The following DNER variants were observed in gnomAD, a reference collection of about 807,000 sequenced individuals.
The protein encoded by DNER is delta/notch like EGF repeat containing, also known as delta and Notch-like epidermal growth factor-related receptor.
A neutral mutation model predicts 78.2 loss-of-function variants in DNER; 33 were observed. The observed-to-expected ratio is 0.42, with a 90% CI of 0.32 to 0.56. The LOEUF (loss-of-function observed/expected upper bound fraction) is 0.56. Ranked by LOEUF, DNER falls within the 20% of genes least tolerant of loss-of-function variation. The probability of loss-of-function intolerance (pLI) is 0.11; values close to 1 mark genes in which losing one functional copy is unlikely to be tolerated. For missense variants in DNER, 918 were observed against 975.3 expected (o/e 0.94, Z 0.78); for synonymous variants, 417 against 384.8 (o/e 1.08, Z -0.98).
intron 4 of DNER, among the ~76,000 whole-genome samples, chr2:229,570,810 C>T (rs911998509): frequency 6.6e-6 from 1 of 151,770 alleles, no homozygotes; most frequent in Non-Finnish European, 1.5e-5. Flanking sequence ...CAGATGAGGG[C>T]GTGGCCAGTG....
chr2:229,654,962 G>T (rs1420859938), intron 1 of DNER, among the ~76,000 whole-genome samples: 2 of 152,096 alleles, frequency 1.3e-5, no homozygotes. Context: ...AGAAATACCA[G>T]AAGCATCATT....
chr2:229,531,847 T>A (rs1164057513), intron 5 of DNER, among the ~76,000 whole-genome samples: 2 of 152,218 alleles, frequency 1.3e-5, no homozygotes, highest in African/African-American at 4.8e-5. Context: ...TACTCATACA[T>A]GCTACAATAT....
intron 7 of DNER, among the ~76,000 whole-genome samples, chr2:229,459,452 G>A (rs1043097612): frequency 1.3e-5 from 2 of 152,062 alleles, no homozygotes; most frequent in Non-Finnish European, 2.9e-5. Flanking sequence ...ATTTTATTGA[G>A]TTCTTACTAC....
At chr2:229,617,306 G>A (rs965250885) in intron 1 of DNER, among the ~76,000 whole-genome samples, 61 of 152,116 alleles carry the variant, frequency 4.0e-4, no homozygotes, top group African/African-American at 1.4e-3. Context: ...TAATTGTGTG[G>A]AGCTATTTTA....
intron 5 of DNER, among the ~76,000 whole-genome samples, chr2:229,530,804 A>G (rs2154212810): frequency 6.6e-6 from 1 of 152,354 alleles, no homozygotes; most frequent in East Asian, 1.9e-4. Context: ...TTAGCCTTCA[A>G]ATGCTCATTA....
intron 1 of DNER, among the ~76,000 whole-genome samples, chr2:229,634,831 C>T (rs1316388009): frequency 2.0e-5 from 3 of 152,132 alleles, no homozygotes; most frequent in Non-Finnish European, 2.9e-5. Flanking sequence ...TCACAGCACC[C>T]GGCCACTTGT....
In DNER at chr2:229,714,034, G is replaced by A. The variant is rs1039024472; in HGVS notation, c.276+114C>T. On this transcript the variant is annotated intron_variant, in intron 1 of 12. Transcript: ENST00000341772. ...AGACTGGATCCATCTTCTTCCCAAA[G>A]TGGGAAAGCCTGTGTCAGGCGTGCC... 8.5e-6 allele frequency: 9 copies of A among 1,059,920 alleles called. No individual in the cohort carries two copies. The African/African-American group carries it at 1.5e-4, about 18-fold the overall frequency. The allele number at this position is 1,059,920 out of a possible 1,614,324, so 65.7% of individuals were successfully genotyped here. A position where few individuals can be genotyped will look rare whatever the true frequency, so the allele number is the denominator to read the frequency against.
At chr2:229,586,149 G>T in intron 3 of DNER, 125 bp from the exon 4 acceptor site, 1 of 1,179,688 alleles carries the variant, frequency 8.5e-7, no homozygotes, top group Non-Finnish European at 1.2e-6. Flanking sequence ...GGAGATCGAT[G>T]GCATAAACAG....
intron 11 of DNER, among the ~76,000 whole-genome samples, chr2:229,377,968 C>T (rs1186637455): frequency 6.6e-6 from 1 of 152,176 alleles, no homozygotes; most frequent in Admixed American, 6.5e-5. Flanking sequence ...ATTATCTGGA[C>T]AAGCTCAATG....
At chr2:229,609,814 A>T (rs1698010828) in intron 1 of DNER, among the ~76,000 whole-genome samples, 1 of 152,228 alleles carries the variant, frequency 6.6e-6, no homozygotes, top group South Asian at 2.1e-4. Context: ...TATAGCTTCA[A>T]TAAAAATGGC....
chr2:229,504,516 G>A (rs2396668), intron 6 of DNER, among the ~76,000 whole-genome samples: 21,330 of 152,150 alleles, frequency 0.14, 1,747 homozygotes, highest in South Asian at 0.22. Flanking sequence ...CACCATGCCC[G>A]GCCCTGTAAT....
chr2:229,514,681 C>T lies in DNER; in HGVS notation c.994-1745G>A, dbSNP rs1226159987. 2.6e-5 allele frequency among the ~76,000 whole-genome samples: 4 copies of T among 152,134 alleles called. No homozygotes were observed. The South Asian group carries it at 6.2e-4, about 24-fold the overall frequency. On this transcript the variant is annotated intron_variant, in intron 5 of 12. Coordinates refer to ENST00000341772, the MANE Select transcript of DNER (RefSeq NM_139072.4). ...CTTCTAGTGCCTTCCATTTCACTCT[C>T]CCTCCACCCTCTTTCCCCAACAGAT... is the stretch of plus-strand genomic sequence containing the variant.
chr2:229,601,185 T>A (rs894749539), intron 1 of DNER, among the ~76,000 whole-genome samples: 1 of 152,210 alleles, frequency 6.6e-6, no homozygotes, highest in Non-Finnish European at 1.5e-5. Context: ...TGGTTGTAAA[T>A]GTCATCTTCC....
At chr2:229,603,352 T>A (rs1697868462) in intron 1 of DNER, among the ~76,000 whole-genome samples, 1 of 152,176 alleles carries the variant, frequency 6.6e-6, no homozygotes, top group Admixed American at 6.5e-5. Context: ...ACATGGCACA[T>A]GTATGCATAT....
At chr2:229,398,621 T>C (rs73100218) in intron 10 of DNER, among the ~76,000 whole-genome samples, 5,109 of 152,168 alleles carry the variant, frequency 0.034, 135 homozygotes, top group African/African-American at 0.073. Context: ...AACACAAAAT[T>C]GTTTTCTTTC....
intron 1 of DNER, among the ~76,000 whole-genome samples, chr2:229,600,396 A>G (rs962041978): frequency 1.3e-5 from 2 of 152,182 alleles, no homozygotes; most frequent in African/African-American, 4.8e-5. Context: ...TTCACAAAAG[A>G]GGGAAAACAG....
At chr2:229,625,258 C>A (rs998115095) in intron 1 of DNER, among the ~76,000 whole-genome samples, 3 of 152,080 alleles carry the variant, frequency 2.0e-5, no homozygotes, top group Non-Finnish European at 4.4e-5. Context: ...GGAAAATCAC[C>A]GGGGGCTGGG....
intron 4 of DNER, among the ~76,000 whole-genome samples, chr2:229,572,553 CAG>C (rs1168905929): frequency 6.6e-6 from 1 of 152,120 alleles, no homozygotes; most frequent in Non-Finnish European, 1.5e-5. Context: ...TAAAAACAAA[CAG>C]AGAGGCTACA....
At chr2:229,669,814 A>AAGAAG (rs1383076841) in intron 1 of DNER, among the ~76,000 whole-genome samples, 2 of 152,242 alleles carry the variant, frequency 1.3e-5, no homozygotes, top group African/African-American at 4.8e-5. Context: ...TAGCTGAGAC[A>AAGAAG]TAGAAAGAAG....
Sources: gnomAD v4.1 joint callset for allele counts (sites outside exome capture counted in the v4.1 genomes callset) on GRCh38, gnomAD v4.1.1 for gene constraint, MANE v1.5 for transcripts, NCBI Gene and HGNC (gene_info 2026-07-23, HGNC 2026-07-21) for gene names.